PCDHGA10: variants seen among roughly 807,000 people sequenced by gnomAD.
PCDHGA10 encodes the protein protocadherin gamma-A10.
Under a neutral mutation model 59.5 loss-of-function variants are expected in PCDHGA10, and 42 were observed. The ratio of observed to expected loss-of-function variants is 0.71; its 90% CI spans 0.55 to 0.91. The LOEUF is 0.91. Among genes scored for constraint, PCDHGA10 ranks in the 40% least tolerant of loss-of-function variants. The pLI, the probability that PCDHGA10 is intolerant of heterozygous loss-of-function variation, is 0.00. For missense variants in PCDHGA10, 1,111 were observed against 1,198.2 expected, an observed-to-expected ratio of 0.93 and a Z score of 1.07; for synonymous variants, 511 against 517.2, an observed-to-expected ratio of 0.99 and a Z score of 0.16.
At chr5:141,510,447 C>T (rs1270073364) in intron 3 of PCDHGA10, among the ~76,000 whole-genome samples, 1 of 152,026 alleles carries the variant, frequency 6.6e-6, no homozygotes, top group Non-Finnish European at 1.5e-5. Flanking sequence ...CTCCAGGAGC[C>T]CATGGTCTAG....
chr5:141,426,733 G>A (rs62378459), intron 1 of PCDHGA10: 13,670 of 449,336 alleles, frequency 0.03, 288 homozygotes, highest in Middle Eastern at 0.11. Context: ...CCAGGCATTC[G>A]GTTTGGCCTG....
intron 1 of PCDHGA10, among the ~76,000 whole-genome samples, chr5:141,467,332 C>T (rs985838492): frequency 6.6e-6 from 1 of 152,124 alleles, no homozygotes; most frequent in Non-Finnish European, 1.5e-5. Context: ...GGATTAGAGA[C>T]GTAAGCCACT....
intron 1 of PCDHGA10, chr5:141,430,690 G>A: frequency 1.4e-6 from 2 of 1,410,426 alleles, no homozygotes; most frequent in Non-Finnish European, 1.9e-6. Flanking sequence ...CCCATTCTAT[G>A]GGCGAAGGAA....
At chr5:141,484,866 C>T in intron 1 of PCDHGA10, 1 of 275,618 alleles carries the variant, frequency 3.6e-6, no homozygotes, top group Non-Finnish European at 6.8e-6. Flanking sequence ...GGTGGGGGAG[C>T]GTGGAGGATA....
Position 141,476,889 on chromosome 5 carries a change from C to T in PCDHGA10, c.2437-17918C>T. ...CGGGCGCGCGTCCTGGAGGATGCAC[C>T]CTCCGGCACGCGCGTGGTACAAGTC... is the stretch of plus-strand genomic sequence containing the variant. On this transcript the variant is annotated intron_variant, in intron 1 of 3. Transcript: ENST00000398610. This position sits in a 1 kb window ranked among gnomAD's most constrained non-coding sequence, Gnocchi z 7.6. 6.2e-7 allele frequency: 1 copy of T among 1,613,960 alleles called. No individual in the cohort carries two copies. The highest frequency in any genetic ancestry group is 8.5e-7 in the Non-Finnish European group (1 of 1,180,034).
chr5:141,485,619 G>A lies in PCDHGA10; in HGVS notation c.2437-9188G>A. On this transcript the variant is annotated intron_variant, in intron 1 of 3. Coordinates refer to ENST00000398610, the MANE Select transcript of PCDHGA10 (RefSeq NM_018913.3). This position sits in a 1 kb window ranked among gnomAD's most constrained non-coding sequence, Gnocchi z 5.7. ...GAAATTGGGGAGGCAGCTCCTCCAG[G>A]ACAGCGTTTCCCGTTGGAAAAGGCT... 3 of 1,612,234 alleles carry A rather than the reference G, an allele frequency of 1.9e-6. No homozygotes were observed. The highest frequency in any genetic ancestry group is 2.5e-6 in the Non-Finnish European group (3 of 1,178,678).
intron 1 of PCDHGA10, chr5:141,427,752 G>A (rs1171502843): frequency 4.5e-6 from 6 of 1,319,552 alleles, no homozygotes; most frequent in South Asian, 1.2e-5. Context: ...CTACTCCATC[G>A]TTACCACTGA....
intron 1 of PCDHGA10, chr5:141,428,018 C>T (rs771831423): frequency 1.9e-6 from 3 of 1,604,570 alleles, no homozygotes; most frequent in Non-Finnish European, 2.6e-6. Flanking sequence ...TAGTGCCACG[C>T]GCCGCAGAGT....
chr5:141,484,024 A>G (rs769415978), intron 1 of PCDHGA10, among the ~76,000 whole-genome samples: 14 of 150,914 alleles, frequency 9.3e-5, no homozygotes, highest in Non-Finnish European at 1.6e-4. Flanking sequence ...GTGGGGTGAG[A>G]TCAAGTCTCC....
At chr5:141,494,583 G>A (rs2099755431) in intron 1 of PCDHGA10, among the ~76,000 whole-genome samples, 1 of 152,152 alleles carries the variant, frequency 6.6e-6, no homozygotes, top group Non-Finnish European at 1.5e-5. Flanking sequence ...CTTGCTCACT[G>A]TGGTCAGATG....
At position 141,489,586 on chromosome 5, in the gene PCDHGA10, C is replaced by T; in HGVS notation, c.2437-5221C>T. 1 of 1,614,082 alleles carries T rather than the reference C, an allele frequency of 6.2e-7. No individual in the cohort carries two copies. The highest frequency in any genetic ancestry group is 8.5e-7 in the Non-Finnish European group (1 of 1,179,988). On this transcript the variant is annotated intron_variant, in intron 1 of 3. Coordinates refer to ENST00000398610, the MANE Select transcript of PCDHGA10 (RefSeq NM_018913.3). This position sits in a 1 kb window ranked among gnomAD's most constrained non-coding sequence, Gnocchi z 4.5. ...GGTGGTGACTGAACACCCCCTGGAG[C>T]TAATCCGTGTAGAGGTAGAGATCCT...
Position 141,490,909 on chromosome 5 carries a change from G to C in PCDHGA10, c.2437-3898G>C. ...ATCTCTGCATGTGTTTGTCCTAGAC[G>C]AGAATGATAATGCCCCAGCTGTGCT... On this transcript the variant is annotated intron_variant, in intron 1 of 3. Coordinates refer to ENST00000398610, the MANE Select transcript of PCDHGA10 (RefSeq NM_018913.3). This position sits in a 1 kb window ranked among gnomAD's most constrained non-coding sequence, Gnocchi z 5.4. 1 of 1,613,744 alleles carries C rather than the reference G, an allele frequency of 6.2e-7. No individual in the cohort carries two copies. The highest frequency in any genetic ancestry group is 2.2e-5 in the East Asian group (1 of 44,870).
Position 141,486,986 on chromosome 5 carries a change from T to C in PCDHGA10, c.2437-7821T>C. Reference sequence around the variant, plus strand: ...GGACTTGGATTCAGGTTACAATGCTTGGGTTTCCTATCAGCTCCTGGAGGC... The same window carrying C: ...GGACTTGGATTCAGGTTACAATGCTCGGGTTTCCTATCAGCTCCTGGAGGC... On this transcript the variant is annotated intron_variant, in intron 1 of 3. Coordinates refer to ENST00000398610, the MANE Select transcript of PCDHGA10 (RefSeq NM_018913.3). The surrounding 1 kb of genome is among the most constrained non-coding windows in gnomAD (Gnocchi z 5.0). 6.2e-7 allele frequency: 1 copy of C among 1,614,214 alleles called. No homozygotes were observed. Among genetic ancestry groups the C allele is most frequent in the South Asian group, 1.1e-5 (1 of 91,088 alleles).
chr5:141,490,132 A>G lies in PCDHGA10; in HGVS notation c.2437-4675A>G, dbSNP rs1245562757. The G allele has an allele frequency of 3.7e-6, 6 of 1,614,102 alleles. No homozygotes were observed. In the African/African-American group the frequency reaches 4.0e-5, roughly 11 times the overall value. ...GCGGAACCTCTTTGGCCTAGACCCTAGCAGTGGGGCAATCCATGTGTTGGG... is the reference window on the plus strand; with the variant it reads ...GCGGAACCTCTTTGGCCTAGACCCTGGCAGTGGGGCAATCCATGTGTTGGG... On this transcript the variant is annotated intron_variant, in intron 1 of 3. Coordinates refer to ENST00000398610, the MANE Select transcript of PCDHGA10 (RefSeq NM_018913.3). The surrounding 1 kb of genome is among the most constrained non-coding windows in gnomAD (Gnocchi z 5.4).
intron 1 of PCDHGA10, among the ~76,000 whole-genome samples, chr5:141,430,346 C>G (rs1191705310): frequency 6.8e-6 from 1 of 148,074 alleles, no homozygotes; most frequent in Non-Finnish European, 1.5e-5. Context: ...ACTTCCAATT[C>G]ATTTAAAAGC....
intron 1 of PCDHGA10, among the ~76,000 whole-genome samples, chr5:141,468,064 C>T (rs1026571562): frequency 3.3e-5 from 5 of 152,076 alleles, no homozygotes; most frequent in Non-Finnish European, 7.4e-5. Flanking sequence ...GTGGCTCACA[C>T]CTGTAATCCC....
intron 1 of PCDHGA10, chr5:141,417,960 G>T (rs2096199953): frequency 1.2e-6 from 2 of 1,613,624 alleles, no homozygotes; most frequent in African/African-American, 1.3e-5. Context: ...GAGCCGATCC[G>T]CTACTCGATT....
chr5:141,417,899 C>G lies in PCDHGA10; in HGVS notation c.2436+2288C>G, dbSNP rs781294504. On this transcript the variant is annotated intron_variant, in intron 1 of 3. Transcript: ENST00000398610. ...CGCGCAGAGGCGCCGGGCCGGCCCG[C>G]GGCAGGTACTATTTCCTTTGCTGCT... 2.0e-5 allele frequency: 31 copies of G among 1,581,354 alleles called. 2 individuals carry two copies. In the South Asian group the frequency reaches 3.4e-4, roughly 17 times the overall value.
At chr5:141,445,524 TA>T (rs1180348783) in intron 1 of PCDHGA10, among the ~76,000 whole-genome samples, 1 of 152,192 alleles carries the variant, frequency 6.6e-6, no homozygotes, top group Admixed American at 6.5e-5. Flanking sequence ...ACAGGTCTGA[TA>T]AAAGCCAACA....
Sources: allele counts gnomAD v4.1 joint callset (sites outside exome capture counted in the v4.1 genomes callset), GRCh38; gene constraint gnomAD v4.1.1; non-coding constraint Gnocchi (gnomAD v3.1); transcripts MANE v1.5; gene names NCBI Gene and HGNC (gene_info 2026-07-23, HGNC 2026-07-21).